Variants in GPC5 observed in about 807,000 individuals in gnomAD.
The protein encoded by GPC5 is glypican-5.
In GPC5, 47 loss-of-function variants were observed where a neutral mutation model predicts 53.9. That is an observed-to-expected ratio of 0.87 (90% CI 0.69 to 1.11). GPC5 has a LOEUF of 1.11. GPC5 is among the 50% of genes most tolerant of loss of function. GPC5 has a pLI of 0.00. For synonymous variants in GPC5, 286 were observed against 263.3 expected, an observed-to-expected ratio of 1.09 and a Z score of -0.84; for missense variants, 748 against 713.1, an observed-to-expected ratio of 1.05 and a Z score of -0.56.
At chr13:92,045,510 T>A (rs981387756) in intron 6 of GPC5, among the ~76,000 whole-genome samples, 1 of 152,106 alleles carries the variant, frequency 6.6e-6, no homozygotes, top group South Asian at 2.1e-4. Context: ...GGATGATTTA[T>A]CACACTGTCA....
intron 7 of GPC5, among the ~76,000 whole-genome samples, chr13:92,374,104 C>T (rs1594142870): frequency 6.6e-6 from 1 of 152,182 alleles, no homozygotes. Flanking sequence ...ACTATAGAAT[C>T]GAACTTGATA....
intron 7 of GPC5, among the ~76,000 whole-genome samples, chr13:92,385,245 T>C (rs1439386074): frequency 6.7e-6 from 1 of 150,158 alleles, no homozygotes; most frequent in Non-Finnish European, 1.5e-5. Flanking sequence ...GTAGTAAGTT[T>C]TGAATTTGGC....
At chr13:92,796,517 G>A (rs910878055) in intron 7 of GPC5, among the ~76,000 whole-genome samples, 1 of 151,692 alleles carries the variant, frequency 6.6e-6, no homozygotes, top group Non-Finnish European at 1.5e-5. Context: ...TTAAAAAGCA[G>A]GGGAGCTGAA....
chr13:92,798,417 A>G (rs547453149), intron 7 of GPC5, among the ~76,000 whole-genome samples: 1 of 151,998 alleles, frequency 6.6e-6, no homozygotes, highest in Admixed American at 6.6e-5. Context: ...TGAACCAGCT[A>G]TTGAATCATT....
chr13:91,399,212 A>G lies in GPC5; in HGVS notation c.163+3A>G, dbSNP rs1489678425. On this transcript the variant is annotated splice_donor_region_variant and intron_variant, in intron 1 of 7. Transcript: ENST00000377067. ...GCTGCCGGATTCGCCGCGGGCAGGTAAGGGGCAATGAGGGGGTCTCTGGAC... is the reference window on the plus strand; with the variant it reads ...GCTGCCGGATTCGCCGCGGGCAGGTGAGGGGCAATGAGGGGGTCTCTGGAC... The G allele has an allele frequency of 1.9e-6, 3 of 1,611,332 alleles. No individual in the cohort carries two copies. Among genetic ancestry groups the G allele is most frequent in the East Asian group, 2.2e-5 (1 of 44,770 alleles).
chr13:92,506,946 C>T (rs753436398), intron 7 of GPC5, among the ~76,000 whole-genome samples: 3 of 152,100 alleles, frequency 2.0e-5, no homozygotes, highest in Non-Finnish European at 4.4e-5. Flanking sequence ...AAGATATTTC[C>T]ACTTAGTCTG....
chr13:92,564,187 T>A (rs1882793370), intron 7 of GPC5, among the ~76,000 whole-genome samples: 1 of 152,000 alleles, frequency 6.6e-6, no homozygotes. Flanking sequence ...CAGTGCTAGT[T>A]GTTCAAATTG....
At chr13:92,400,281 G>T (rs956986841) in intron 7 of GPC5, among the ~76,000 whole-genome samples, 2 of 152,126 alleles carry the variant, frequency 1.3e-5, no homozygotes, top group Admixed American at 6.6e-5. Context: ...CTAGAGACAT[G>T]CTTAGTCTAA....
chr13:92,444,745 A>G (rs1374300811), intron 7 of GPC5, among the ~76,000 whole-genome samples: 3 of 147,852 alleles, frequency 2.0e-5, no homozygotes, highest in African/African-American at 7.4e-5. Flanking sequence ...AAAAAAGTCT[A>G]AACTTAAGGG....
chr13:91,895,061 A>G (rs1454118684), intron 5 of GPC5, among the ~76,000 whole-genome samples: 1 of 151,848 alleles, frequency 6.6e-6, no homozygotes, highest in Admixed American at 6.6e-5. Flanking sequence ...CTTAAAAAAA[A>G]AAAAAAAGGC....
intron 7 of GPC5, among the ~76,000 whole-genome samples, chr13:92,297,749 T>G (rs1023566611): frequency 3.3e-5 from 5 of 152,010 alleles, no homozygotes; most frequent in African/African-American, 1.2e-4. Flanking sequence ...GATAAGAGAA[T>G]AAAAGCAGGC....
intron 2 of GPC5, among the ~76,000 whole-genome samples, chr13:91,564,008 A>G (rs1324921982): frequency 2.6e-5 from 4 of 151,608 alleles, no homozygotes; most frequent in Admixed American, 1.3e-4. Context: ...GACCCAACCA[A>G]CTCCTCTTTT....
chr13:92,373,630 C>T (rs144892417), intron 7 of GPC5, among the ~76,000 whole-genome samples: 1 of 152,298 alleles, frequency 6.6e-6, no homozygotes, highest in East Asian at 1.9e-4. Context: ...ACCTTCCAGG[C>T]ATTCATATCC....
intron 5 of GPC5, among the ~76,000 whole-genome samples, chr13:91,802,007 A>T (rs1479421622): frequency 6.6e-6 from 1 of 151,752 alleles, no homozygotes; most frequent in East Asian, 1.9e-4. Context: ...TGTACTAAAC[A>T]TATAAGCATT....
At chr13:91,736,848 C>T (rs2036826350) in intron 4 of GPC5, among the ~76,000 whole-genome samples, 1 of 151,142 alleles carries the variant, frequency 6.6e-6, no homozygotes, top group Non-Finnish European at 1.5e-5. Flanking sequence ...TCCCACTGGG[C>T]AAGTTCAGGA....
rs546776266 is a variant in GPC5, at chr13:91,834,739, A to G, written c.1281-73198A>G. Among the ~76,000 whole-genome samples, 7 of 152,344 alleles carry G rather than the reference A, an allele frequency of 4.6e-5. No individual in the cohort carries two copies. The East Asian group carries it at 1.3e-3, about 29-fold the overall frequency. On this transcript the variant is annotated intron_variant, in intron 5 of 7. Transcript: ENST00000377067. ...TCCCTTCCTTACACCTTATACAAAAATTAACTCAAGATGGATTAAAGACTT... is the reference window on the plus strand; with the variant it reads ...TCCCTTCCTTACACCTTATACAAAAGTTAACTCAAGATGGATTAAAGACTT...
intron 7 of GPC5, among the ~76,000 whole-genome samples, chr13:92,486,110 A>C (rs1354169541): frequency 6.6e-6 from 1 of 152,222 alleles, no homozygotes; most frequent in East Asian, 1.9e-4. Flanking sequence ...CACATGCTCC[A>C]TCACATTCTG....
intron 7 of GPC5, among the ~76,000 whole-genome samples, chr13:92,773,669 T>G (rs116316767): frequency 6.6e-6 from 1 of 152,184 alleles, no homozygotes; most frequent in Non-Finnish European, 1.5e-5. Flanking sequence ...ATTGCAACGA[T>G]GTACTAACTA....
intron 6 of GPC5, among the ~76,000 whole-genome samples, chr13:92,077,389 C>T (rs1302222619): frequency 1.3e-5 from 2 of 151,378 alleles, no homozygotes; most frequent in East Asian, 3.8e-4. Flanking sequence ...AGGTAACAGA[C>T]TTTTTGTCAG....
Sources: allele counts gnomAD v4.1 joint callset (sites outside exome capture counted in the v4.1 genomes callset), GRCh38; gene constraint gnomAD v4.1.1; transcripts MANE v1.5; gene names NCBI Gene and HGNC (gene_info 2026-07-23, HGNC 2026-07-21).